DPP6: variants seen among roughly 807,000 people sequenced by gnomAD.
The protein encoded by DPP6 is A-type potassium channel modulatory protein DPP6.
A neutral mutation model predicts 122.6 loss-of-function variants in DPP6; 69 were observed. The observed-to-expected ratio is 0.56, with a 90% confidence interval of 0.46 to 0.69. The LOEUF (loss-of-function observed/expected upper bound fraction) is 0.69. Among genes scored for constraint, DPP6 ranks in the 30% least tolerant of loss-of-function variants. The pLI is 0.00. For synonymous variants in DPP6, 418 were observed against 433.1 expected, an observed-to-expected ratio of 0.97 and a Z score of 0.43; for missense variants, 928 against 1,116.9, an observed-to-expected ratio of 0.83 and a Z score of 2.41.
chr7:153,774,602 A>C, the DPP6 span, among the ~76,000 whole-genome samples: 63,269 of 151,946 alleles, frequency 0.42, 13,596 homozygotes, highest in South Asian at 0.52. Context: ...TTGAAGGAAT[A>C]GTTAATATTC....
intron 1 of DPP6, among the ~76,000 whole-genome samples, chr7:154,408,850 A>C (rs528365916): frequency 6.6e-6 from 1 of 151,464 alleles, no homozygotes; most frequent in South Asian, 2.1e-4. Context: ...ACTCAAATTT[A>C]TATGTTAAGG....
chr7:153,824,791 C>G, the DPP6 span, among the ~76,000 whole-genome samples: 1 of 152,094 alleles, frequency 6.6e-6, no homozygotes, highest in East Asian at 1.9e-4. Flanking sequence ...AAGGTTTTCT[C>G]TTAAGTCAGC....
intron 5 of DPP6, among the ~76,000 whole-genome samples, chr7:154,591,461 A>T (rs1414113294): frequency 2.0e-5 from 3 of 152,174 alleles, no homozygotes; most frequent in Non-Finnish European, 4.4e-5. Flanking sequence ...TATGGTGCTG[A>T]TGCCAGGGAT....
intron 3 of DPP6, among the ~76,000 whole-genome samples, chr7:154,520,797 T>C (rs976679891): frequency 1.3e-5 from 2 of 152,214 alleles, no homozygotes; most frequent in Non-Finnish European, 2.9e-5. Flanking sequence ...CCTCCTCACA[T>C]TTCCATCAGT....
intron 4 of DPP6, among the ~76,000 whole-genome samples, chr7:154,542,162 A>G (rs1828780645): frequency 6.6e-6 from 1 of 152,218 alleles, no homozygotes; most frequent in Non-Finnish European, 1.5e-5. Flanking sequence ...GGATGATGGC[A>G]TAGTTCCAAA....
rs1805037088 is a variant in DPP6, at chr7:154,877,988, G to A, written c.2078+1888G>A. On this transcript the variant is annotated intron_variant, in intron 20 of 25. Transcript: ENST00000377770. The surrounding 1 kb of genome is among the most constrained non-coding windows in gnomAD (Gnocchi z 5.2). ...GGCCCAGGCTGCGCTCTGGAGTGGA[G>A]TGGGCCTGGCTTCCTGGGTGGGGGC... 6.6e-6 allele frequency among the ~76,000 whole-genome samples: 1 copy of A among 152,224 alleles called. No individual in the cohort carries two copies. Among genetic ancestry groups the A allele is most frequent in the African/African-American group, 2.4e-5 (1 of 41,458 alleles).
chr7:154,132,554 A>G (rs556531782), intron 1 of DPP6, among the ~76,000 whole-genome samples: 202 of 152,042 alleles, frequency 1.3e-3, no homozygotes, highest in Non-Finnish European at 2.2e-3. Flanking sequence ...CTCACTTCCC[A>G]TGACGACACC....
intron 5 of DPP6, among the ~76,000 whole-genome samples, chr7:154,604,896 C>A (rs1313687369): frequency 1.7e-5 from 2 of 120,332 alleles, no homozygotes; most frequent in African/African-American, 5.3e-5. Context: ...CCTACACTGG[C>A]TACTCTTTTC....
At chr7:154,569,840 A>G (rs1831000733) in intron 5 of DPP6, among the ~76,000 whole-genome samples, 1 of 151,878 alleles carries the variant, frequency 6.6e-6, no homozygotes, top group Non-Finnish European at 1.5e-5. Flanking sequence ...TTGGAAGTCA[A>G]ATAATCATAG....
At chr7:154,101,882 G>A (rs77017511) in intron 1 of DPP6, among the ~76,000 whole-genome samples, 2,575 of 146,262 alleles carry the variant, frequency 0.018, 66 homozygotes, top group African/African-American at 0.064. Flanking sequence ...GAGCCGAGAT[G>A]GCGCCATTGC....
intron 1 of DPP6, among the ~76,000 whole-genome samples, chr7:154,225,760 A>G (rs2150838812): frequency 6.6e-6 from 1 of 152,280 alleles, no homozygotes; most frequent in Non-Finnish European, 1.5e-5. Context: ...AAGTTACTGG[A>G]GGCAGGATGT....
chr7:154,450,667 T>C (rs867293125), intron 2 of DPP6, among the ~76,000 whole-genome samples: 6 of 152,316 alleles, frequency 3.9e-5, no homozygotes, highest in Middle Eastern at 6.8e-3. Context: ...AGTGCTTCAA[T>C]GCCCAGGAAA....
intron 1 of DPP6, among the ~76,000 whole-genome samples, chr7:154,259,206 A>G (rs62485811): frequency 0.15 from 23,128 of 152,252 alleles, 2,270 homozygotes; most frequent in Non-Finnish European, 0.22. Context: ...AGACCAAATC[A>G]CACATATGCG....
At chr7:154,147,761 C>A (rs1796187470) in intron 1 of DPP6, among the ~76,000 whole-genome samples, 1 of 151,984 alleles carries the variant, frequency 6.6e-6, no homozygotes, top group Non-Finnish European at 1.5e-5. Context: ...CCAGGCTGGT[C>A]TTGAACTCCT....
intron 1 of DPP6, among the ~76,000 whole-genome samples, chr7:154,078,989 T>A (rs1266675602): frequency 1.4e-5 from 2 of 147,514 alleles, no homozygotes; most frequent in Non-Finnish European, 3.0e-5. Context: ...CCGGGTGTGG[T>A]GGCTCACGCC....
At chr7:154,163,753 G>A (rs1797094630) in intron 1 of DPP6, among the ~76,000 whole-genome samples, 1 of 152,172 alleles carries the variant, frequency 6.6e-6, no homozygotes. Flanking sequence ...ATTAGCCTCT[G>A]GAGAAGGTTC....
At chr7:154,242,853 G>T (rs1801714702) in intron 1 of DPP6, among the ~76,000 whole-genome samples, 1 of 152,216 alleles carries the variant, frequency 6.6e-6, no homozygotes, top group Admixed American at 6.5e-5. Flanking sequence ...ACAGGGCCTA[G>T]CAGTGGTTGC....
At chr7:154,117,411 T>C (rs1469674719) in intron 1 of DPP6, among the ~76,000 whole-genome samples, 4 of 152,208 alleles carry the variant, frequency 2.6e-5, no homozygotes, top group Admixed American at 1.3e-4. Flanking sequence ...CTCAGTACCT[T>C]GGTGTCTTTG....
At chr7:154,783,045 A>G (rs1349283064) in intron 10 of DPP6, among the ~76,000 whole-genome samples, 3 of 152,008 alleles carry the variant, frequency 2.0e-5, no homozygotes, top group Admixed American at 6.6e-5. Context: ...CGGCCTCCCA[A>G]AGTGCTGGGA....
Sources: gnomAD v4.1 joint callset for allele counts (sites outside exome capture counted in the v4.1 genomes callset) on GRCh38, gnomAD v4.1.1 for gene constraint, Gnocchi (gnomAD v3.1) non-coding constraint, MANE v1.5 for transcripts, NCBI Gene and HGNC (gene_info 2026-07-23, HGNC 2026-07-21) for gene names.